ELSPBP1: variants seen among roughly 807,000 people sequenced by gnomAD.
The protein encoded by ELSPBP1 is epididymal sperm-binding protein 1.
ELSPBP1 carries 38 observed loss-of-function variants against 33.3 expected under a neutral mutation model. That is an observed-to-expected ratio of 1.14 (90% CI 0.88 to 1.50). The LOEUF is 1.50. Among genes scored for constraint, ELSPBP1 ranks in the 40% most tolerant of loss-of-function variants. The pLI, the probability that ELSPBP1 is intolerant of heterozygous loss-of-function variation, is 0.00. For synonymous variants in ELSPBP1, 85 were observed against 94.1 expected (o/e 0.90, Z 0.56); for missense variants, 267 against 263.5 (o/e 1.01, Z -0.09).
At chr19:48,022,451 T>C in intron 6 of ELSPBP1, 117 bp downstream of exon 6, 1 of 935,106 alleles carries the variant, frequency 1.1e-6, no homozygotes, top group Non-Finnish European at 1.6e-6. Flanking sequence ...CTGATTAGCG[T>C]CGCTGATGTG....
intron 1 of ELSPBP1, among the ~76,000 whole-genome samples, chr19:48,001,175 G>GTTTTT (rs58448046): frequency 1.4e-5 from 2 of 142,810 alleles, no homozygotes; most frequent in African/African-American, 5.2e-5. Flanking sequence ...CTCTCTCTCT[G>GTTTTT]TTTTTTTTTT....
In ELSPBP1 at chr19:48,016,461, TTTCCTTCTTTCTTTCTTTCTTTCTTTC is replaced by T. The variant is rs1967135572; in HGVS notation, c.355+425_355+451del. ...CTCCCTCCCTTTTCTCTTTCTTTTC[TTTCCTTCTTTCTTTCTTTCTTTCTTTC>T]TTTCTTTCTTTCTTTCTTTCTTTCT... On this transcript the variant is annotated intron_variant, in intron 4 of 6. Coordinates refer to ENST00000339841, the MANE Select transcript of ELSPBP1 (RefSeq NM_022142.5). 1.2e-3 allele frequency among the ~76,000 whole-genome samples: 53 copies of T among 42,552 alleles called. 3 individuals carry two copies. In the South Asian group the frequency reaches 0.014, roughly 11 times the overall value. 27.9% of individuals were successfully genotyped at this position (42,552 alleles called of 152,430 possible). A position where few individuals can be genotyped will look rare whatever the true frequency, so the allele number is the denominator to read the frequency against.
chr19:48,023,108 A>AAGG (rs1967220144), intron 6 of ELSPBP1, among the ~76,000 whole-genome samples: 2 of 148,056 alleles, frequency 1.4e-5, no homozygotes, highest in African/African-American at 5.0e-5. Flanking sequence ...GGAAGGAAGG[A>AAGG]AAGAGAGAGG....
rs764028805 is a variant in ELSPBP1 at position 48,022,329 on chromosome 19, G to T, written c.*2G>T. The T allele has an allele frequency of 3.4e-5, 54 of 1,608,642 alleles. No homozygotes were observed. Among genetic ancestry groups the T allele is most frequent in the Non-Finnish European group, 4.4e-5 (52 of 1,177,710 alleles). ...GACCACACCTGGGTGTATTGCTGAT[G>T]CTGAGGTGAGAGCAGGGACCAACAG... On this transcript the variant is annotated 3_prime_UTR_variant, in exon 6 of 7. Transcript: ENST00000339841.
At chr19:48,023,554 G>GAAGAA in intron 6 of ELSPBP1, among the ~76,000 whole-genome samples, 1 of 50,142 alleles carries the variant, frequency 2.0e-5, no homozygotes, top group Non-Finnish European at 5.2e-5. Flanking sequence ...GAAGAAAAGG[G>GAAGAA]AAGGGAAAGG....
intron 5 of ELSPBP1, among the ~76,000 whole-genome samples, chr19:48,021,797 A>C (rs939356726): frequency 8.5e-5 from 13 of 152,118 alleles, no homozygotes; most frequent in Non-Finnish European, 1.8e-4. Context: ...CCTAGGCTAC[A>C]GTGCAGTGGT....
At chr19:47,998,878 T>G (rs747353883) in intron 1 of ELSPBP1, among the ~76,000 whole-genome samples, 3 of 151,618 alleles carry the variant, frequency 2.0e-5, no homozygotes, top group Non-Finnish European at 4.4e-5. Context: ...TGTGTACAAG[T>G]CCAGTAAACA....
chr19:48,021,306 C>T (rs1357677764), intron 5 of ELSPBP1, among the ~76,000 whole-genome samples: 4 of 151,870 alleles, frequency 2.6e-5, no homozygotes, highest in Non-Finnish European at 4.4e-5. Flanking sequence ...AGCTCTTGTA[C>T]TGTGAACAAA....
intron 2 of ELSPBP1, among the ~76,000 whole-genome samples, chr19:48,012,990 C>A (rs866332720): frequency 6.6e-6 from 1 of 152,190 alleles, no homozygotes; most frequent in Non-Finnish European, 1.5e-5. Flanking sequence ...CCCCACCCCC[C>A]TCTCTTTTTT....
intron 5 of ELSPBP1, among the ~76,000 whole-genome samples, chr19:48,021,412 T>G (rs996809705): frequency 3.3e-5 from 5 of 150,364 alleles, no homozygotes; most frequent in Non-Finnish European, 7.4e-5. Flanking sequence ...TTTTAGTTTT[T>G]TTTTTTTTTT....
rs776917952 is a variant in ELSPBP1, at chr19:48,015,467, G to C, written c.209-426G>C. Among the ~76,000 whole-genome samples, 12 of 152,068 alleles carry C rather than the reference G, an allele frequency of 7.9e-5. 1 individual carries two copies. Among genetic ancestry groups the C allele is most frequent in the Non-Finnish European group, 1.6e-4 (11 of 68,002 alleles). ...GGCCAGGAGTTCGAGACCAGCCTGG[G>C]CAACATGGCGACACCCCATCTCTAC... On this transcript the variant is annotated intron_variant, in intron 3 of 6. Transcript: ENST00000339841.
At chr19:48,010,140 A>G (rs1299368017) in intron 2 of ELSPBP1, among the ~76,000 whole-genome samples, 1 of 152,162 alleles carries the variant, frequency 6.6e-6, no homozygotes, top group African/African-American at 2.4e-5. Flanking sequence ...AGTGAAACTG[A>G]TTTCGGTGAA....
At chr19:48,016,536 C>G (rs1490715097) in intron 4 of ELSPBP1, among the ~76,000 whole-genome samples, 8 of 107,378 alleles carry the variant, frequency 7.5e-5, no homozygotes, top group African/African-American at 3.0e-4. Flanking sequence ...TTCTTCCTTC[C>G]TTCCTTCCTT....
intron 6 of ELSPBP1, among the ~76,000 whole-genome samples, chr19:48,023,516 T>TGG (rs1967233699): frequency 1.5e-5 from 1 of 65,834 alleles, no homozygotes; most frequent in African/African-American, 5.6e-5. Flanking sequence ...AGGAAGGAAA[T>TGG]AAGGAAGGAA....
At position 48,014,205 on chromosome 19, in the gene ELSPBP1, C is replaced by T. The variant is rs1967106455; in HGVS notation, c.105C>T (p.Tyr35=). The T allele has an allele frequency of 1.2e-6, 2 of 1,614,032 alleles. No individual in the cohort carries two copies. The highest frequency in any genetic ancestry group is 8.5e-7 in the Non-Finnish European group (1 of 1,179,954). ...AGGAATGTGTCTTTCCTTTCACCTA[C>T]AAGGGATCTGTTTACTTCACTTGCA... The part of the protein sequence containing the change: ...MHEECVFPFT[Y]KGSVYFTCTH... The change falls in exon 3 of 7, where the codon TAC becomes TAT. Residue 35 remains tyrosine, a synonymous_variant. Coordinates refer to ENST00000339841, the MANE Select transcript of ELSPBP1 (RefSeq NM_022142.5).
At chr19:48,019,239 T>C (rs1403688569) in intron 4 of ELSPBP1, among the ~76,000 whole-genome samples, 3 of 152,098 alleles carry the variant, frequency 2.0e-5, no homozygotes, top group African/African-American at 7.2e-5. Flanking sequence ...GGTGGGTCTT[T>C]CAATGGGGGA....
chr19:48,022,356 G>A (rs545813110), intron 6 of ELSPBP1, 22 bp downstream of exon 6: 4 of 1,579,704 alleles, frequency 2.5e-6, no homozygotes, highest in Admixed American at 1.8e-5. Flanking sequence ...GACCAACAGT[G>A]GTCATTTCAC....
Position 48,011,597 on chromosome 19 carries a change from G to A in ELSPBP1, c.71-2574G>A, listed in dbSNP as rs137927298. Among the ~76,000 whole-genome samples the A allele has an allele frequency of 3.4e-5, 5 of 145,552 alleles. No homozygotes were observed. Among genetic ancestry groups the A allele is most frequent in the African/African-American group, 1.3e-4 (5 of 38,854 alleles). Reference sequence around the variant, plus strand: ...ATCACATGATAATGACAATAATGAGGTGGATTATGATGACAATGATGATGA... The same window carrying A: ...ATCACATGATAATGACAATAATGAGATGGATTATGATGACAATGATGATGA... On this transcript the variant is annotated intron_variant, in intron 2 of 6. Coordinates refer to ENST00000339841, the MANE Select transcript of ELSPBP1 (RefSeq NM_022142.5). The surrounding 1 kb of genome is among the most constrained non-coding windows in gnomAD (Gnocchi z 4.5).
At position 48,012,339 on chromosome 19, in the gene ELSPBP1, C is replaced by T. The variant is rs570122986; in HGVS notation, c.71-1832C>T. Among the ~76,000 whole-genome samples the T allele has an allele frequency of 5.3e-5, 8 of 152,092 alleles. No homozygotes were observed. In the South Asian group the frequency reaches 1.3e-3, roughly 24 times the overall value. ...GAGATGGGGGTCTCACTTTGTTGCT[C>T]AGGCGGGTCTTGAAGCGATCCGCCC... On this transcript the variant is annotated intron_variant, in intron 2 of 6. Transcript: ENST00000339841.
Sources: allele counts gnomAD v4.1 joint callset (sites outside exome capture counted in the v4.1 genomes callset), GRCh38; gene constraint gnomAD v4.1.1; non-coding constraint Gnocchi (gnomAD v3.1); transcripts MANE v1.5; gene names NCBI Gene and HGNC (gene_info 2026-07-23, HGNC 2026-07-21).